The following PAX8 variants were observed in gnomAD, a reference collection of about 807,000 sequenced individuals.
PAX8 encodes the protein paired box 8.
PAX8 carries 15 observed loss-of-function variants against 52.4 expected under a neutral mutation model. The ratio of observed to expected loss-of-function variants is 0.29; its 90% confidence interval spans 0.19 to 0.44. PAX8 has a LOEUF of 0.44. PAX8 is among the 20% of genes least tolerant of loss of function. The pLI is 1.00. For missense variants in PAX8, 554 were observed against 602.5 expected, an observed-to-expected ratio of 0.92 and a Z score of 0.84; for synonymous variants, 284 against 249.7, an observed-to-expected ratio of 1.14 and a Z score of -1.29.
chr2:113,267,750 T>C (rs1181152910), intron 2 of PAX8: 1 of 152,254 alleles, frequency 6.6e-6, no homozygotes, highest in African/African-American at 2.4e-5. Context: ...CTCTGGTCTT[T>C]TTAAATTACC....
At chr2:113,225,556 C>T (rs572196127) in intron 10 of PAX8, 86 of 152,314 alleles carry the variant, frequency 5.6e-4, no homozygotes, top group African/African-American at 2.0e-3. Context: ...GTGGATTTCA[C>T]TTGCAGTCAG....
chr2:113,224,986 G>C (rs1024547323), intron 10 of PAX8, among the ~76,000 whole-genome samples: 18 of 152,114 alleles, frequency 1.2e-4, no homozygotes, highest in African/African-American at 4.1e-4. Flanking sequence ...GTAGGAGGCA[G>C]TATGGTGTAG....
chr2:113,242,812 A>C (rs764676128), intron 4 of PAX8, 34 bp from the exon 5 acceptor site: 6 of 1,527,540 alleles, frequency 3.9e-6, no homozygotes, highest in South Asian at 2.2e-5. Context: ...ATGAGAGAGA[A>C]GAGGAGGAAA....
In PAX8 at chr2:113,236,682, C is replaced by T. The variant is rs757960433; in HGVS notation, c.817G>A (p.Asp273Asn). The T allele has an allele frequency of 2.2e-5, 35 of 1,587,286 alleles. No individual in the cohort carries two copies. The highest frequency in any genetic ancestry group is 3.6e-5 in the Admixed American group (2 of 55,872). The change falls in exon 8 of 12, where the codon GAC becomes AAC. Residue 273 changes from aspartate (D) to asparagine (N), a missense_variant. Around this residue, in one of 2 missense-constraint regions of PAX8, gnomAD observed 445 missense variants for 409.9 expected, o/e 1.09. Coordinates refer to ENST00000429538, the MANE Select transcript of PAX8 (RefSeq NM_003466.4). Reference sequence around the variant, plus strand: ...GAAGGGGTCAGGGTGGCCTTCCCGTCGTCCAGGGTGCTGTTGAGCAAGGGC... The same window carrying T: ...GAAGGGGTCAGGGTGGCCTTCCCGTTGTCCAGGGTGCTGTTGAGCAAGGGC... ...PLPLLNSTLDDGKATLTPSNT... is the reference protein window; with the variant it reads ...PLPLLNSTLDNGKATLTPSNT...
At chr2:113,239,998 A>G (rs1183889426) in intron 7 of PAX8, 2 of 152,204 alleles carry the variant, frequency 1.3e-5, no homozygotes, top group Non-Finnish European at 2.9e-5. Flanking sequence ...GGTGCTCTGT[A>G]GTCAAGCAGG....
At chr2:113,255,839 G>A (rs1442805771) in intron 2 of PAX8, among the ~76,000 whole-genome samples, 9 of 152,240 alleles carry the variant, frequency 5.9e-5, no homozygotes, top group South Asian at 4.1e-4. Context: ...AAAAAACCAC[G>A]AGAGACAGCT....
At chr2:113,224,664 C>T (rs1458167253) in intron 10 of PAX8, among the ~76,000 whole-genome samples, 2 of 150,686 alleles carry the variant, frequency 1.3e-5, no homozygotes, top group Non-Finnish European at 2.9e-5. Context: ...TGCATGGATG[C>T]GTGGAAAAAT....
At chr2:113,259,892 G>C (rs888729351) in intron 2 of PAX8, among the ~76,000 whole-genome samples, 1 of 152,192 alleles carries the variant, frequency 6.6e-6, no homozygotes, top group Non-Finnish European at 1.5e-5. Flanking sequence ...GAAGGTCCAG[G>C]GTCTCTGCGT....
intron 2 of PAX8, among the ~76,000 whole-genome samples, chr2:113,248,032 A>T (rs575114660): frequency 6.6e-6 from 1 of 152,158 alleles, no homozygotes; most frequent in South Asian, 2.1e-4. Context: ...CAAGTGAGGG[A>T]GAGAGGGGAG....
intron 2 of PAX8, among the ~76,000 whole-genome samples, chr2:113,258,660 T>C (rs935483588): frequency 6.6e-6 from 1 of 152,258 alleles, no homozygotes; most frequent in African/African-American, 2.4e-5. Context: ...CCATTAAAGC[T>C]AATTTGTTTG....
intron 2 of PAX8, among the ~76,000 whole-genome samples, chr2:113,257,671 G>C (rs577187598): frequency 6.6e-6 from 1 of 152,108 alleles, no homozygotes; most frequent in Admixed American, 6.5e-5. Flanking sequence ...AACTAGGCTC[G>C]TATTTCACCA....
intron 4 of PAX8, among the ~76,000 whole-genome samples, 162 bp downstream of exon 4, chr2:113,244,263 GTA>G (rs1290857331): frequency 1.3e-5 from 2 of 152,258 alleles, no homozygotes; most frequent in East Asian, 3.9e-4. Flanking sequence ...AGGCAGGGAG[GTA>G]TGATATCTGC....
At chr2:113,260,920 G>C (rs1452017283) in intron 2 of PAX8, among the ~76,000 whole-genome samples, 1 of 151,944 alleles carries the variant, frequency 6.6e-6, no homozygotes, top group Non-Finnish European at 1.5e-5. Context: ...CTGTGTGTGT[G>C]AGTTGCAGAG....
chr2:113,235,161 T>G (rs1690168300), intron 9 of PAX8, among the ~76,000 whole-genome samples: 1 of 152,230 alleles, frequency 6.6e-6, no homozygotes, highest in South Asian at 2.1e-4. Context: ...TGCTTTTCCA[T>G]GGGGTCTTGG....
intron 10 of PAX8, among the ~76,000 whole-genome samples, chr2:113,221,084 C>T (rs1021369324): frequency 6.6e-6 from 1 of 152,100 alleles, no homozygotes; most frequent in Admixed American, 6.5e-5. Context: ...TCAAGACTAC[C>T]CCATGAGGTA....
rs1380352169 is a variant in PAX8 at position 113,246,759 on chromosome 2, A to G, written c.186T>C (p.Leu62=). 6.2e-7 allele frequency: 1 copy of G among 1,612,688 alleles called. No homozygotes were observed. Among genetic ancestry groups the G allele is most frequent in the Non-Finnish European group, 8.5e-7 (1 of 1,179,058 alleles). The stretch of plus-strand genomic sequence containing the variant: ...GCGGTGAATTTCGTGCTTACCTGCC[A>G]AGGATCTTGCTGACGCAGCCATGGC... ...RVSHGCVSKI[L]GRYYETGSIR... The change falls in exon 3 of 12, where the codon CTT becomes CTC. Residue 62 remains leucine (L), a synonymous_variant. Coordinates refer to ENST00000429538, the MANE Select transcript of PAX8 (RefSeq NM_003466.4).
At chr2:113,272,657 C>T (rs1693539802) in intron 2 of PAX8, 1 of 152,138 alleles carries the variant, frequency 6.6e-6, no homozygotes, top group Admixed American at 6.5e-5. Context: ...TACTCCTTCC[C>T]CACGAAAGGA....
rs779478570 is a variant in PAX8 at position 113,218,527 on chromosome 2, T to C, written c.*6A>G. The C allele has an allele frequency of 1.5e-4, 234 of 1,540,968 alleles. No individual in the cohort carries two copies. The highest frequency in any genetic ancestry group is 1.9e-4 in the Non-Finnish European group (222 of 1,139,614). On this transcript the variant is annotated 3_prime_UTR_variant, in exon 12 of 12. Coordinates refer to ENST00000429538, the MANE Select transcript of PAX8 (RefSeq NM_003466.4). ...TGCTCAGTCGCTCCCACTGTCCCCA[T>C]GGCAACTACAGATGGTCAAAGGCCG...
Position 113,235,576 on chromosome 2 carries a change from TGAGGATCTGCCG to T in PAX8, c.899-6_904del, listed in dbSNP as rs1409672157. The T allele has an allele frequency of 6.2e-7, 1 of 1,608,312 alleles. No homozygotes were observed. The highest frequency in any genetic ancestry group is 8.5e-7 in the Non-Finnish European group (1 of 1,176,606). The stretch of plus-strand genomic sequence containing the variant: ...TTCCTGCTTTATGGCGAAGGGTGAG[TGAGGATCTGCCG>T]GAGGGAGGGAGACAACAAGGAGAGA... On this transcript the variant is annotated splice_acceptor_variant and splice_polypyrimidine_tract_variant and coding_sequence_variant and intron_variant, in exon 9 of 12. Coordinates refer to ENST00000429538, the MANE Select transcript of PAX8 (RefSeq NM_003466.4). LOFTEE classifies it high-confidence loss of function.
Sources: allele counts gnomAD v4.1 joint callset (sites outside exome capture counted in the v4.1 genomes callset), GRCh38; gene constraint gnomAD v4.1.1; regional missense constraint gnomAD v4.1.1; transcripts MANE v1.5; gene names NCBI Gene and HGNC (gene_info 2026-07-23, HGNC 2026-07-21).